SH3BP2: variants seen among roughly 807,000 people sequenced by gnomAD.
The protein encoded by SH3BP2 is SH3 domain-binding protein 2.
Under a neutral mutation model 56.2 loss-of-function variants are expected in SH3BP2, and 38 were observed. The ratio of observed to expected loss-of-function variants is 0.68; its 90% CI spans 0.52 to 0.89. The LOEUF is 0.89. Ranked by LOEUF, SH3BP2 falls within the 40% of genes least tolerant of loss-of-function variation. The pLI is 0.00. For missense variants in SH3BP2, 748 were observed against 762.6 expected (o/e 0.98, Z 0.23); for synonymous variants, 346 against 316.7 (o/e 1.09, Z -0.98).
intron 10 of SH3BP2, 66 bp downstream of exon 10, chr4:2,832,044 C>A: frequency 6.5e-7 from 1 of 1,528,618 alleles, no homozygotes; most frequent in Non-Finnish European, 9.0e-7. Flanking sequence ...CTGTGTCCCT[C>A]TCACTAGCTT....
rs1394108140 is a variant in SH3BP2 at position 2,831,578 on chromosome 4, C to A, written c.1249C>A (p.Pro417Thr). ...KPQLPHLQRSPPDGQSFRSFS... is the reference protein window; with the variant it reads ...KPQLPHLQRSTPDGQSFRSFS... ...CTCTCCCTGCCCCTCCAGGCGATCA[C>A]CCCCCGATGGGCAGAGTTTCAGGAG... is the stretch of plus-strand genomic sequence containing the variant. Residue 417 changes from proline to threonine, a missense_variant, in exon 9 of 13, where the codon CCC becomes ACC. Physicochemically the swap from Pro to Thr is conservative, Grantham distance 38. This residue lies in a region of SH3BP2 where 635 missense variants were observed against 615.0 expected (regional missense o/e 1.03). Transcript: ENST00000503393. The surrounding 1 kb of genome is among the most constrained non-coding windows in gnomAD (Gnocchi z 4.1). The A allele has an allele frequency of 6.3e-7, 1 of 1,583,232 alleles. No homozygotes were observed. Among genetic ancestry groups the A allele is most frequent in the Non-Finnish European group, 8.6e-7 (1 of 1,163,334 alleles).
Position 2,831,598 on chromosome 4 carries a change from C to A in SH3BP2, c.1269C>A (p.Phe423Leu). 1 of 1,598,816 alleles carries A rather than the reference C, an allele frequency of 6.3e-7. No homozygotes were observed. ...GATCACCCCCCGATGGGCAGAGTTT[C>A]AGGAGCTTCTCCTTTGAAAAGCCCC... is the stretch of plus-strand genomic sequence containing the variant. ...LQRSPPDGQS[F>L]RSFSFEKPRQ... Residue 423 changes from phenylalanine (F) to leucine (L), a missense_variant, in exon 9 of 13, where the codon TTC becomes TTA. Coordinates refer to ENST00000503393, the MANE Select transcript of SH3BP2 (RefSeq NM_001122681.2). The surrounding 1 kb of genome is among the most constrained non-coding windows in gnomAD (Gnocchi z 4.1).
intron 1 of SH3BP2, among the ~76,000 whole-genome samples, chr4:2,807,157 G>T (rs1723568057): frequency 6.6e-6 from 1 of 152,216 alleles, no homozygotes; most frequent in Non-Finnish European, 1.5e-5. Context: ...TCACGTGCGT[G>T]CCCAGGGCTG....
chr4:2,831,406 G>A lies in SH3BP2; in HGVS notation c.1242-165G>A, dbSNP rs1262047612. Among the ~76,000 whole-genome samples the A allele has an allele frequency of 1.3e-5, 2 of 152,192 alleles. No individual in the cohort carries two copies. Among genetic ancestry groups the A allele is most frequent in the African/African-American group, 2.4e-5 (1 of 41,442 alleles). The stretch of plus-strand genomic sequence containing the variant: ...CCTGCTGTCCCAGGGCAGTCGGCAC[G>A]AGCCCTACCCGGATCTCTGTTGTCC... On this transcript the variant is annotated intron_variant, in intron 8 of 12. Transcript: ENST00000503393. The surrounding 1 kb of genome is among the most constrained non-coding windows in gnomAD (Gnocchi z 4.1).
At chr4:2,823,148 C>T (rs1049364045) in intron 3 of SH3BP2, 111 bp downstream of exon 3, 62 of 806,768 alleles carry the variant, frequency 7.7e-5, no homozygotes, top group East Asian at 1.3e-4. Context: ...AGTGCTTTCC[C>T]GAAGCAGCCT....
chr4:2,799,188 G>A, intron 1 of SH3BP2: 2 of 985,660 alleles, frequency 2.0e-6, no homozygotes, highest in Non-Finnish European at 1.2e-6. Context: ...CCCCACCGGA[G>A]GAGCTGCTCC....
At chr4:2,796,262 C>T (rs919669159) in intron 1 of SH3BP2, 3 of 216,680 alleles carry the variant, frequency 1.4e-5, no homozygotes, top group Admixed American at 6.5e-5. Context: ...GAGAGAAGCA[C>T]GTGCCCAGGT....
chr4:2,821,108 T>C (rs1724281628), intron 2 of SH3BP2, among the ~76,000 whole-genome samples: 1 of 152,174 alleles, frequency 6.6e-6, no homozygotes, highest in South Asian at 2.1e-4. Flanking sequence ...ACAGTGAACC[T>C]ATGTGTCAAG....
In SH3BP2 at chr4:2,829,971, C is replaced by T; in HGVS notation, c.1065C>T (p.Asn355=). The T allele has an allele frequency of 6.2e-7, 1 of 1,613,472 alleles. No individual in the cohort carries two copies. Among genetic ancestry groups the T allele is most frequent in the East Asian group, 2.2e-5 (1 of 44,882 alleles). The change falls in exon 8 of 13, where the codon AAC becomes AAT. Residue 355 remains asparagine, a synonymous_variant. Transcript: ENST00000503393. This position sits in a 1 kb window ranked among gnomAD's most constrained non-coding sequence, Gnocchi z 4.9. ...CTGAGCCCCCACCTGTGCCAGCCAA[C>T]AAGCCCAAGTTCCTGAAGATAGCTG... ...PTSEPPPVPA[N]KPKFLKIAEE... is the part of the protein sequence containing the mutation.
intron 1 of SH3BP2, chr4:2,809,675 TG>T: frequency 2.2e-6 from 1 of 457,254 alleles, no homozygotes; most frequent in Non-Finnish European, 2.9e-6. Context: ...GTCAGCTCCG[TG>T]GTGGCTGCAG....
At chr4:2,818,726 T>C (rs569032459) in intron 1 of SH3BP2, 1,142 of 991,726 alleles carry the variant, frequency 1.2e-3, no homozygotes, top group Middle Eastern at 7.2e-3. Context: ...CCTTGGCCTG[T>C]GGTTGGGGGT....
chr4:2,815,743 T>G (rs1723965571), intron 1 of SH3BP2, among the ~76,000 whole-genome samples: 1 of 152,188 alleles, frequency 6.6e-6, no homozygotes, highest in African/African-American at 2.4e-5. Flanking sequence ...CAACTTGCAG[T>G]CCCTGTCACC....
chr4:2,815,942 G>C (rs1460420869), intron 1 of SH3BP2, among the ~76,000 whole-genome samples: 2 of 152,188 alleles, frequency 1.3e-5, no homozygotes, highest in African/African-American at 4.8e-5. Context: ...CTGGAAAAGG[G>C]AACGCTTGAA....
intron 11 of SH3BP2, among the ~76,000 whole-genome samples, chr4:2,832,755 GGT>G (rs1487606455): frequency 6.6e-6 from 1 of 152,184 alleles, no homozygotes; most frequent in South Asian, 2.1e-4. Context: ...TGCTCTCCCG[GGT>G]GTGTCGGAGT....
chr4:2,831,456 C>A lies in SH3BP2; in HGVS notation c.1242-115C>A. 1.3e-6 allele frequency: 1 copy of A among 783,078 alleles called. No individual in the cohort carries two copies. Among genetic ancestry groups the A allele is most frequent in the South Asian group, 1.5e-5 (1 of 67,954 alleles). The allele number at this position is 783,078 out of a possible 1,614,324, so 48.5% of individuals were successfully genotyped here. A position where few individuals can be genotyped will look rare whatever the true frequency, so the allele number is the denominator to read the frequency against. On this transcript the variant is annotated intron_variant, in intron 8 of 12. Transcript: ENST00000503393. The surrounding 1 kb of genome is among the most constrained non-coding windows in gnomAD (Gnocchi z 4.1). ...CTGAGCTTTTTAGGGTCACAGGGGC[C>A]ATAGCAGGCAGCTTGCCGTCCTCAC...
intron 4 of SH3BP2, 30 bp from the exon 5 acceptor site, chr4:2,825,096 C>T (rs371211628): frequency 2.4e-5 from 37 of 1,549,216 alleles, no homozygotes; most frequent in East Asian, 1.9e-4. Flanking sequence ...CTGGTGGCAC[C>T]GTGCCCACCA....
At chr4:2,807,268 G>C (rs539558542) in intron 1 of SH3BP2, among the ~76,000 whole-genome samples, 1 of 152,346 alleles carries the variant, frequency 6.6e-6, no homozygotes, top group African/African-American at 2.4e-5. Flanking sequence ...CTCATTGAGA[G>C]TCCAATTAGC....
At chr4:2,793,720 A>G (rs1169264413) in intron 1 of SH3BP2, 1 of 152,164 alleles carries the variant, frequency 6.6e-6, no homozygotes, top group East Asian at 1.9e-4. Flanking sequence ...CACGGAGGGC[A>G]AGAAAAGCCG....
chr4:2,827,729 G>A (rs919195895), intron 7 of SH3BP2, 55 bp downstream of exon 7: 6 of 1,432,272 alleles, frequency 4.2e-6, no homozygotes, highest in Admixed American at 2.0e-5. Context: ...GCAGGGGCTG[G>A]GACCGGGAGC....
Sources: gnomAD v4.1 joint callset for allele counts (sites outside exome capture counted in the v4.1 genomes callset) on GRCh38, gnomAD v4.1.1 for gene constraint, gnomAD v4.1.1 regional missense constraint, Gnocchi (gnomAD v3.1) non-coding constraint, MANE v1.5 for transcripts, NCBI Gene and HGNC (gene_info 2026-07-23, HGNC 2026-07-21) for gene names.